Variants in RPL13A observed in about 807,000 individuals in gnomAD.
RPL13A encodes the protein large ribosomal subunit protein uL13.
RPL13A carries 4 observed loss-of-function variants against 30.8 expected under a neutral mutation model. The observed-to-expected ratio is 0.13, with a 90% confidence interval of 0.06 to 0.30. The LOEUF (loss-of-function observed/expected upper bound fraction) is 0.30. Among genes scored for constraint, RPL13A ranks in the 10% least tolerant of loss-of-function variants. The pLI is 1.00. For synonymous variants in RPL13A, 108 were observed against 104.2 expected (o/e 1.04, Z -0.22); for missense variants, 196 against 272.6 (o/e 0.72, Z 1.98).
At position 49,490,564 on chromosome 19, in the gene RPL13A, C is replaced by A; in HGVS notation, c.244C>A (p.Arg82=). ...CCGGGCCCCCAGCCGCATCTTCTGG[C>A]GGACCGTGCGAGGTGAGCAGAGCGT... is the stretch of plus-strand genomic sequence containing the variant. ...HFRAPSRIFW[R]TVRGMLPHKT... Residue 82 remains arginine, a synonymous_variant, in exon 4 of 8, where the codon CGG becomes AGG. Coordinates refer to ENST00000391857, the MANE Select transcript of RPL13A (RefSeq NM_012423.4). 1 of 1,614,156 alleles carries A rather than the reference C, an allele frequency of 6.2e-7. No homozygotes were observed.
chr19:49,490,635 C>G lies in RPL13A; in HGVS notation c.256+59C>G, dbSNP rs770218524. 5.0e-6 allele frequency: 8 copies of G among 1,585,328 alleles called. No individual in the cohort carries two copies. The Admixed American group carries it at 8.3e-5, about 17-fold the overall frequency. On this transcript the variant is annotated intron_variant, in intron 4 of 7. Transcript: ENST00000391857. The stretch of plus-strand genomic sequence containing the variant: ...GGCAGGCGGCCGGTGATGAGAACTT[C>G]TCCCACTCACATTCGAGTTTCCCGA...
rs2079868793 is a variant in RPL13A at position 49,491,408 on chromosome 19, C to CCG, written c.403-16_403-15insGC. 3 of 429,384 alleles carry CCG rather than the reference C, an allele frequency of 7.0e-6. No homozygotes were observed. Among genetic ancestry groups the CCG allele is most frequent in the South Asian group, 2.2e-5 (1 of 44,928 alleles). 26.6% of individuals were successfully genotyped at this position (429,384 alleles called of 1,614,324 possible). A position where few individuals can be genotyped will look rare whatever the true frequency, so the allele number is the denominator to read the frequency against. On this transcript the variant is annotated splice_polypyrimidine_tract_variant and intron_variant, in intron 6 of 7. Transcript: ENST00000391857. ...CTTACAACTTCATTTGTTCACCCCC[C>CCG]CCCCCCCCCCCCGCAGTTTGCCTAT... is the stretch of plus-strand genomic sequence containing the variant.
chr19:49,491,286 G>T, intron 6 of RPL13A, 139 bp from the exon 7 acceptor site: 1 of 1,150,214 alleles, frequency 8.7e-7, no homozygotes, highest in South Asian at 1.2e-5. Context: ...TTTCTAACAG[G>T]CCTGCAGAGA....
chr19:49,489,752 G>A (rs2079845512), intron 1 of RPL13A, 98 bp from the exon 2 acceptor site: 12 of 977,580 alleles, frequency 1.2e-5, no homozygotes, highest in South Asian at 3.9e-5. Context: ...TGCAAGGCAC[G>A]CTGTTGGCAC....
At chr19:49,491,638 G>A in intron 7 of RPL13A, 91 bp downstream of exon 7, 1 of 1,566,978 alleles carries the variant, frequency 6.4e-7, no homozygotes, top group Non-Finnish European at 8.7e-7. Flanking sequence ...AACTGGCAAA[G>A]GACCAGCCGG....
chr19:49,488,201 G>A (rs1285482159), intron 1 of RPL13A, among the ~76,000 whole-genome samples: 1 of 152,196 alleles, frequency 6.6e-6, no homozygotes, highest in Non-Finnish European at 1.5e-5. Context: ...ACTCTGGAAT[G>A]AACTCGTTTT....
At chr19:49,489,328 TCAA>T (rs2079841272) in intron 1 of RPL13A, among the ~76,000 whole-genome samples, 2 of 151,206 alleles carry the variant, frequency 1.3e-5, no homozygotes, top group South Asian at 2.1e-4. Context: ...AAACCCTGAC[TCAA>T]CAAAAAAAAA....
At chr19:49,490,890 A>C in intron 5 of RPL13A, 26 bp downstream of exon 5, 1 of 1,613,628 alleles carries the variant, frequency 6.2e-7, no homozygotes, top group Non-Finnish European at 8.5e-7. Flanking sequence ...CCCCACAGGC[A>C]GCGGCCTTAC....
intron 6 of RPL13A, 52 bp from the exon 7 acceptor site, chr19:49,491,373 C>A: frequency 8.0e-7 from 1 of 1,243,440 alleles, no homozygotes; most frequent in Non-Finnish European, 1.1e-6. Context: ...GGTGTGGGGG[C>A]TTAGATATCC....
rs764327230 is a variant in RPL13A at position 49,490,036 on chromosome 19, G to C, written c.88+114G>C. 1.3e-5 allele frequency: 13 copies of C among 1,029,564 alleles called. No homozygotes were observed. In the South Asian group the frequency reaches 1.4e-4, roughly 11 times the overall value. The allele number at this position is 1,029,564 out of a possible 1,614,324, so 63.8% of individuals were successfully genotyped here. On this transcript the variant is annotated intron_variant, in intron 2 of 7. Transcript: ENST00000391857. The stretch of plus-strand genomic sequence containing the variant: ...GGCCATGAGATCAACCCCATGCACC[G>C]CTCTGAGACCTGCCAGCCACTCTTC...
In RPL13A at chr19:49,491,099, G is replaced by A; in HGVS notation, c.402G>A (p.Lys134=). The A allele has an allele frequency of 6.2e-7, 1 of 1,614,150 alleles. No homozygotes were observed. Among genetic ancestry groups the A allele is most frequent in the South Asian group, 1.1e-5 (1 of 91,086 alleles). The change falls in exon 6 of 8, where the codon AAG becomes AAA. Residue 134 remains lysine, a splice_region_variant and synonymous_variant. Transcript: ENST00000391857. ...TCGTGCGTCTGAAGCCTACAAGAAA[G>A]GTGAGTCCCAGCTTACGCTGCACCA... is the stretch of plus-strand genomic sequence containing the variant. ...LKVVRLKPTR[K]FAYLGRLAHE...
At chr19:49,490,165 G>C (rs565309696) in intron 2 of RPL13A, 67 bp from the exon 3 acceptor site, 2 of 1,441,038 alleles carry the variant, frequency 1.4e-6, no homozygotes, top group East Asian at 2.3e-5. Context: ...TGTCTGGAGG[G>C]TGACTGCATA....
At position 49,491,968 on chromosome 19, in the gene RPL13A, G is replaced by A; in HGVS notation, c.*153G>A. 3.2e-6 allele frequency: 2 copies of A among 619,032 alleles called. No homozygotes were observed. Among genetic ancestry groups the A allele is most frequent in the South Asian group, 2.0e-5 (1 of 51,146 alleles). 38.3% of individuals were successfully genotyped at this position (619,032 alleles called of 1,614,324 possible). A position where few individuals can be genotyped will look rare whatever the true frequency, so the allele number is the denominator to read the frequency against. ...GAGCAAGGAAAGGGTCTTAGTCACT[G>A]CCTCCCGAAGTTGCTTGAAAGCACT... is the stretch of plus-strand genomic sequence containing the variant. On this transcript the variant is annotated 3_prime_UTR_variant, in exon 8 of 8. Coordinates refer to ENST00000391857, the MANE Select transcript of RPL13A (RefSeq NM_012423.4).
chr19:49,491,606 G>T (rs371226565), intron 7 of RPL13A, 59 bp downstream of exon 7: 16 of 1,556,698 alleles, frequency 1.0e-5, no homozygotes, highest in South Asian at 1.2e-5. Context: ...CCTGGCAGGT[G>T]CCTTGCTCAC....
intron 1 of RPL13A, among the ~76,000 whole-genome samples, chr19:49,488,118 G>T (rs1299826139): frequency 6.6e-6 from 1 of 152,180 alleles, no homozygotes; most frequent in Non-Finnish European, 1.5e-5. Context: ...GTTAATCGGG[G>T]TCCCCTGCAG....
At chr19:49,490,137 C>A in intron 2 of RPL13A, 95 bp from the exon 3 acceptor site, 1 of 1,261,030 alleles carries the variant, frequency 7.9e-7, no homozygotes. Context: ...GAACTTAGCT[C>A]TGGCAAGTAC....
chr19:49,490,557 C>A lies in RPL13A; in HGVS notation c.237C>A (p.Ile79=). The stretch of plus-strand genomic sequence containing the variant: ...ACCACTTCCGGGCCCCCAGCCGCAT[C>A]TTCTGGCGGACCGTGCGAGGTGAGC... The part of the protein sequence containing the change: ...GPYHFRAPSR[I]FWRTVRGMLP... The change falls in exon 4 of 8, where the codon ATC becomes ATA. Residue 79 remains isoleucine (I), a synonymous_variant. Coordinates refer to ENST00000391857, the MANE Select transcript of RPL13A (RefSeq NM_012423.4). 3.1e-6 allele frequency: 5 copies of A among 1,614,202 alleles called. No individual in the cohort carries two copies. The highest frequency in any genetic ancestry group is 4.2e-6 in the Non-Finnish European group (5 of 1,180,046).
intron 2 of RPL13A, 45 bp from the exon 3 acceptor site, chr19:49,490,187 G>T: frequency 1.3e-6 from 2 of 1,583,700 alleles, no homozygotes; most frequent in South Asian, 1.1e-5. Context: ...GCAGTGGTGG[G>T]ACCCTCAGGC....
chr19:49,491,402 ACCCCCCCCCCCC>A lies in RPL13A; in HGVS notation c.403-16_403-5del. On this transcript the variant is annotated splice_polypyrimidine_tract_variant and intron_variant, in intron 6 of 7. Coordinates refer to ENST00000391857, the MANE Select transcript of RPL13A (RefSeq NM_012423.4). ...GATATCCTTACAACTTCATTTGTTC[ACCCCCCCCCCCC>A]CCCCCCGCAGTTTGCCTATCTGGGG... The A allele has an allele frequency of 8.9e-5, 21 of 236,598 alleles. No homozygotes were observed. The highest frequency in any genetic ancestry group is 1.6e-4 in the Non-Finnish European group (21 of 128,596). The allele number at this position is 236,598 out of a possible 1,614,324, so 14.7% of individuals were successfully genotyped here. A position where few individuals can be genotyped will look rare whatever the true frequency, so the allele number is the denominator to read the frequency against.
Sources: gnomAD v4.1 joint callset for allele counts (sites outside exome capture counted in the v4.1 genomes callset) on GRCh38, gnomAD v4.1.1 for gene constraint, MANE v1.5 for transcripts, NCBI Gene and HGNC (gene_info 2026-07-23, HGNC 2026-07-21) for gene names.